Variants in RGS3 observed in about 807,000 individuals in gnomAD.
RGS3 encodes regulator of G protein signaling 3.
Under a neutral mutation model 132.6 loss-of-function variants are expected in RGS3, and 80 were observed. That is an observed-to-expected ratio of 0.60 (90% CI 0.50 to 0.73). The LOEUF is 0.73. Ranked by LOEUF, RGS3 falls within the 30% of genes least tolerant of loss-of-function variation. RGS3 has a pLI of 0.00. For missense variants in RGS3, 1,382 were observed against 1,530.8 expected (o/e 0.90, Z 1.62); for synonymous variants, 598 against 620.6 (o/e 0.96, Z 0.54).
chr9:113,504,164 G>A (rs1831032176), intron 10 of RGS3, among the ~76,000 whole-genome samples: 2 of 152,316 alleles, frequency 1.3e-5, no homozygotes, highest in African/African-American at 4.8e-5. Context: ...GTGGGTAGGT[G>A]AATGAGTGCA....
At chr9:113,543,443 C>T (rs1399533779) in intron 19 of RGS3, among the ~76,000 whole-genome samples, 3 of 152,242 alleles carry the variant, frequency 2.0e-5, no homozygotes, top group Non-Finnish European at 2.9e-5. Flanking sequence ...CAATGCCCCC[C>T]ACCCAGCAAG....
upstream of RGS3, among the ~76,000 whole-genome samples, chr9:113,458,164 G>A (rs549878450): frequency 3.9e-5 from 6 of 152,326 alleles, no homozygotes; most frequent in South Asian, 1.2e-3. Flanking sequence ...CGATCCGCCT[G>A]CCTTGGCCTC....
intron 6 of RGS3, among the ~76,000 whole-genome samples, chr9:113,485,390 G>A (rs544894467): frequency 1.3e-5 from 2 of 152,214 alleles, no homozygotes; most frequent in East Asian, 1.9e-4. Context: ...TGCCCGGCCC[G>A]AAAATGGAAT....
chr9:113,516,876 G>A (rs185680557), intron 15 of RGS3, among the ~76,000 whole-genome samples: 1 of 152,302 alleles, frequency 6.6e-6, no homozygotes, highest in East Asian at 1.9e-4. Context: ...CTTTCTTTAA[G>A]CACCTTGCTT....
In RGS3 at chr9:113,591,210, C is replaced by T. The variant is rs1335729915; in HGVS notation, c.3016-123C>T. The T allele has an allele frequency of 1.6e-5, 13 of 806,258 alleles. No homozygotes were observed. In the East Asian group the frequency reaches 2.5e-4, roughly 16 times the overall value. The allele number at this position is 806,258 out of a possible 1,614,324, so 49.9% of individuals were successfully genotyped here. ...GTTTCCCTCCCTCACCTGTGTGCCG[C>T]GGGTGGGGGCTTTGGGGATGGAAGG... On this transcript the variant is annotated intron_variant, in intron 20 of 24. Coordinates refer to ENST00000350696, the Ensembl canonical transcript of RGS3. This position sits in a 1 kb window ranked among gnomAD's most constrained non-coding sequence, Gnocchi z 4.4.
chr9:113,534,799 T>C (rs764734617), intron 18 of RGS3, among the ~76,000 whole-genome samples: 1 of 151,918 alleles, frequency 6.6e-6, no homozygotes, highest in African/African-American at 2.4e-5. Flanking sequence ...AAACTTTTGG[T>C]AGAGACTGGG....
At chr9:113,583,689 G>A (rs199945348) in exon 20 of RGS3, 125 of 1,613,822 alleles carry the variant, frequency 7.7e-5, no homozygotes, top group South Asian at 5.2e-4. Flanking sequence ...CAGATGCTCC[G>A]CCCAGCAAGG....
intron 19 of RGS3, chr9:113,581,249 G>A (rs1834791407): frequency 1.3e-5 from 2 of 153,332 alleles, no homozygotes; most frequent in African/African-American, 2.4e-5. Flanking sequence ...CCTAATTTGT[G>A]CAGGGTGGCT....
chr9:113,521,497 A>G (rs1011693867), intron 16 of RGS3, among the ~76,000 whole-genome samples: 2 of 152,206 alleles, frequency 1.3e-5, no homozygotes, highest in African/African-American at 4.8e-5. Context: ...TTGTTTTACA[A>G]AATTGGATTC....
intron 4 of RGS3, among the ~76,000 whole-genome samples, chr9:113,480,503 C>T (rs916877927): frequency 1.3e-5 from 2 of 150,202 alleles, no homozygotes; most frequent in South Asian, 2.1e-4. Context: ...CCAAAAATAG[C>T]GATTGAGCAT....
chr9:113,576,712 G>C (rs928517216), intron 19 of RGS3, among the ~76,000 whole-genome samples: 2 of 152,200 alleles, frequency 1.3e-5, no homozygotes, highest in African/African-American at 4.8e-5. Context: ...CAGAGCCCAG[G>C]GTCTTCCAGG....
chr9:113,513,757 C>G (rs1346243167), intron 14 of RGS3, among the ~76,000 whole-genome samples: 1 of 152,210 alleles, frequency 6.6e-6, no homozygotes, highest in African/African-American at 2.4e-5. Context: ...GTGCGCTTTC[C>G]TGTGACCTGG....
intron 10 of RGS3, among the ~76,000 whole-genome samples, chr9:113,502,103 A>T (rs1830926221): frequency 6.6e-6 from 1 of 152,136 alleles, no homozygotes; most frequent in South Asian, 2.1e-4. Context: ...CCTACTGCTG[A>T]TGCCTCACTA....
At chr9:113,594,388 T>G in intron 21 of RGS3, 42 bp from the exon 20 acceptor site, 1 of 1,607,126 alleles carries the variant, frequency 6.2e-7, no homozygotes. Flanking sequence ...CAGGGGCGAG[T>G]GGGCCAGGCT....
intron 21 of RGS3, chr9:113,594,005 C>G: frequency 6.2e-7 from 1 of 1,613,094 alleles, no homozygotes; most frequent in South Asian, 1.1e-5. Flanking sequence ...AGACACATGC[C>G]CCTTTCACGG....
At chr9:113,473,046 TAAAC>T (rs1446005068) in intron 3 of RGS3, among the ~76,000 whole-genome samples, 2 of 151,988 alleles carry the variant, frequency 1.3e-5, no homozygotes, top group African/African-American at 2.4e-5. Context: ...ATCTCAATAA[TAAAC>T]AAAACTGATG....
At chr9:113,448,117 C>G (rs1248649910) in intron 1 of RGS3, among the ~76,000 whole-genome samples, 1 of 152,122 alleles carries the variant, frequency 6.6e-6, no homozygotes, top group Non-Finnish European at 1.5e-5. Flanking sequence ...CTCAACCTTC[C>G]AAAGTACTGT....
chr9:113,569,587 TTCCTTCCTTCCTTCC>T (rs1564584068), intron 19 of RGS3, among the ~76,000 whole-genome samples: 12 of 126,718 alleles, frequency 9.5e-5, no homozygotes, highest in African/African-American at 2.9e-4. Flanking sequence ...CTTTCCTTCC[TTCCTTCCTTCCTTCC>T]TTCCTTCCTT....
exon 3 of RGS3, chr9:113,462,107 G>C: frequency 6.2e-7 from 1 of 1,614,168 alleles, no homozygotes. Context: ...GGATGGAGTG[G>C]CTAAGCCCTG....
Sources: allele counts gnomAD v4.1 joint callset (sites outside exome capture counted in the v4.1 genomes callset), GRCh38; gene constraint gnomAD v4.1.1; non-coding constraint Gnocchi (gnomAD v3.1); transcripts MANE v1.5; gene names NCBI Gene and HGNC (gene_info 2026-07-23, HGNC 2026-07-21).